Variants in PHACTR1 observed in about 807,000 individuals in gnomAD.
PHACTR1 encodes phosphatase and actin regulator 1.
A neutral mutation model predicts 69.2 loss-of-function variants in PHACTR1; 16 were observed. That is an observed-to-expected ratio of 0.23 (90% CI 0.16 to 0.35). The LOEUF is 0.35. PHACTR1 is among the 10% of genes least tolerant of loss of function. The pLI, the probability that PHACTR1 is intolerant of heterozygous loss-of-function variation, is 1.00. For synonymous variants in PHACTR1, 312 were observed against 284.5 expected (o/e 1.10, Z -0.97); for missense variants, 510 against 734.7 (o/e 0.69, Z 3.54).
chr6:12,968,716 A>C (rs1793793908), intron 4 of PHACTR1, among the ~76,000 whole-genome samples: 1 of 152,118 alleles, frequency 6.6e-6, no homozygotes, highest in African/African-American at 2.4e-5. Flanking sequence ...TAGTAGGAAA[A>C]TGTCTTTGAT....
intron 4 of PHACTR1, among the ~76,000 whole-genome samples, chr6:12,829,238 G>A (rs1777145773): frequency 1.3e-5 from 2 of 152,182 alleles, no homozygotes; most frequent in Admixed American, 1.3e-4. Flanking sequence ...GCACACGAGT[G>A]GGATTTCTGT....
At chr6:13,207,940 T>G (rs1766183899) in intron 8 of PHACTR1, among the ~76,000 whole-genome samples, 1 of 152,002 alleles carries the variant, frequency 6.6e-6, no homozygotes, top group Non-Finnish European at 1.5e-5. Context: ...TATTCTGCAT[T>G]TGGGAAAGGA....
At chr6:12,847,013 C>T (rs920877048) in intron 4 of PHACTR1, among the ~76,000 whole-genome samples, 7 of 151,336 alleles carry the variant, frequency 4.6e-5, no homozygotes, top group African/African-American at 9.7e-5. Flanking sequence ...GATGGAGTTT[C>T]GCCATGTAGC....
chr6:12,994,237 A>C (rs1433103612), intron 4 of PHACTR1, among the ~76,000 whole-genome samples: 1 of 152,214 alleles, frequency 6.6e-6, no homozygotes, highest in Admixed American at 6.5e-5. Context: ...TGAGATGAAA[A>C]ATATGATATA....
At chr6:12,889,744 T>C (rs1783981199) in intron 4 of PHACTR1, among the ~76,000 whole-genome samples, 1 of 151,190 alleles carries the variant, frequency 6.6e-6, no homozygotes, top group African/African-American at 2.4e-5. Flanking sequence ...CTTTCTTCTT[T>C]CTTCTTCTTC....
rs575836588 is a variant in PHACTR1, at chr6:12,882,546, A to G, written c.250+132756A>G. ...AGAAAGAAATGTTTTCATCTGTTTA[A>G]AATCAATTTAGGGGCAAAATAAGAG... On this transcript the variant is annotated intron_variant, in intron 4 of 14. Coordinates refer to ENST00000332995, the MANE Select transcript of PHACTR1 (RefSeq NM_030948.6). Among the ~76,000 whole-genome samples, 8 of 152,376 alleles carry G rather than the reference A, an allele frequency of 5.3e-5. No homozygotes were observed. The South Asian group carries it at 1.2e-3, about 24-fold the overall frequency.
intron 5 of PHACTR1, among the ~76,000 whole-genome samples, chr6:13,085,199 C>T (rs184660416): frequency 1.6e-4 from 24 of 151,794 alleles, no homozygotes; most frequent in Admixed American, 7.2e-4. Context: ...ATTTGGAAAT[C>T]CCGTTATAAT....
chr6:12,837,971 G>A (rs1025765572), intron 4 of PHACTR1, among the ~76,000 whole-genome samples: 2 of 152,190 alleles, frequency 1.3e-5, no homozygotes, highest in South Asian at 4.1e-4. Context: ...GGCCCAACTG[G>A]GGAAGGAGCC....
chr6:13,044,667 GAA>G (rs1481449083), intron 4 of PHACTR1, among the ~76,000 whole-genome samples: 1 of 152,154 alleles, frequency 6.6e-6, no homozygotes, highest in African/African-American at 2.4e-5. Flanking sequence ...GGGCCAGAAA[GAA>G]CTCACCTCCA....
intron 7 of PHACTR1, chr6:13,196,420 C>CTTTTTTTTTTGT (rs555707385): frequency 5.9e-5 from 8 of 136,536 alleles, no homozygotes; most frequent in South Asian, 1.5e-4. Flanking sequence ...GGTTTTCTTT[C>CTTTTTTTTTTGT]TTTTTTTTTT....
intron 4 of PHACTR1, among the ~76,000 whole-genome samples, chr6:12,953,693 G>T (rs1791550547): frequency 6.6e-6 from 1 of 152,204 alleles, no homozygotes; most frequent in Non-Finnish European, 1.5e-5. Context: ...TGAAATCTGT[G>T]TAAAATGCTT....
chr6:13,281,387 C>T (rs915727364), intron 12 of PHACTR1: 4 of 321,306 alleles, frequency 1.2e-5, no homozygotes, highest in East Asian at 9.2e-5. Flanking sequence ...AACCCTATCT[C>T]TATTAAAAAT....
chr6:12,927,441 AT>A (rs1223479399), intron 4 of PHACTR1, among the ~76,000 whole-genome samples: 1 of 151,270 alleles, frequency 6.6e-6, no homozygotes, highest in Non-Finnish European at 1.5e-5. Context: ...CATTAAAAAA[AT>A]CTCTTATATT....
intron 4 of PHACTR1, among the ~76,000 whole-genome samples, chr6:12,764,491 A>T (rs796284112): frequency 3.9e-5 from 6 of 152,254 alleles, no homozygotes; most frequent in African/African-American, 1.4e-4. Context: ...GATGTTATTT[A>T]TGTGGGTTCA....
chr6:12,865,238 G>A (rs1781337845), intron 4 of PHACTR1, among the ~76,000 whole-genome samples: 1 of 152,160 alleles, frequency 6.6e-6, no homozygotes, highest in South Asian at 2.1e-4. Flanking sequence ...GCAGAGGGAG[G>A]AAGGATAAAG....
At chr6:12,788,001 T>C (rs761188678) in intron 4 of PHACTR1, among the ~76,000 whole-genome samples, 1 of 151,594 alleles carries the variant, frequency 6.6e-6, no homozygotes, top group Non-Finnish European at 1.5e-5. Context: ...TAGTAAAAAA[T>C]AGAAAAATCA....
chr6:13,120,018 C>T lies in PHACTR1; in HGVS notation c.416-40186C>T, dbSNP rs146192089. ...TCAAATCGACCTGCTGGATGAAATA[C>T]GTGGTGAAGGGGCCCATGGACACAT... On this transcript the variant is annotated intron_variant, in intron 5 of 14. Coordinates refer to ENST00000332995, the MANE Select transcript of PHACTR1 (RefSeq NM_030948.6). 2.5e-3 allele frequency among the ~76,000 whole-genome samples: 378 copies of T among 152,156 alleles called. 3 individuals are homozygous for T. Among genetic ancestry groups the T allele is most frequent in the African/African-American group, 8.3e-3 (345 of 41,534 alleles).
At chr6:13,004,473 T>A (rs764493243) in intron 4 of PHACTR1, among the ~76,000 whole-genome samples, 4 of 152,196 alleles carry the variant, frequency 2.6e-5, no homozygotes, top group East Asian at 3.8e-4. Context: ...ATGGGCTTAT[T>A]TGTATTTTGT....
intron 4 of PHACTR1, among the ~76,000 whole-genome samples, chr6:12,927,690 G>T (rs1481960056): frequency 1.3e-5 from 2 of 152,172 alleles, no homozygotes; most frequent in Non-Finnish European, 2.9e-5. Context: ...CACCAAAAAA[G>T]AATTCACATG....
Sources: gnomAD v4.1 joint callset for allele counts (sites outside exome capture counted in the v4.1 genomes callset) on GRCh38, gnomAD v4.1.1 for gene constraint, MANE v1.5 for transcripts, NCBI Gene and HGNC (gene_info 2026-07-23, HGNC 2026-07-21) for gene names.